The following PIGL variants were observed in gnomAD, a reference collection of about 807,000 sequenced individuals.
The protein encoded by PIGL is N-acetylglucosaminyl-phosphatidylinositol de-N-acetylase.
A neutral mutation model predicts 31.1 loss-of-function variants in PIGL; 22 were observed. The ratio of observed to expected loss-of-function variants is 0.71; its 90% CI spans 0.51 to 1.01. PIGL has a LOEUF of 1.01. Among genes scored for constraint, PIGL ranks in the 50% least tolerant of loss-of-function variants. The pLI, the probability that PIGL is intolerant of heterozygous loss-of-function variation, is 0.00. For missense variants in PIGL, 302 were observed against 315.9 expected, an observed-to-expected ratio of 0.96 and a Z score of 0.33; for synonymous variants, 131 against 117.4, an observed-to-expected ratio of 1.12 and a Z score of -0.75.
chr17:16,275,407 G>A (rs2092890574), intron 2 of PIGL, among the ~76,000 whole-genome samples: 1 of 152,260 alleles, frequency 6.6e-6, no homozygotes, highest in East Asian at 1.9e-4. Flanking sequence ...ATTGCAGGTT[G>A]TTTTATCAGT....
intron 2 of PIGL, among the ~76,000 whole-genome samples, chr17:16,284,942 GA>G (rs1434956100): frequency 6.6e-6 from 1 of 152,178 alleles, no homozygotes; most frequent in Non-Finnish European, 1.5e-5. Context: ...CAGGCAAGGT[GA>G]ACCCACTGGG....
chr17:16,236,594 G>A (rs1020729347), intron 2 of PIGL, among the ~76,000 whole-genome samples: 2 of 152,156 alleles, frequency 1.3e-5, no homozygotes, highest in Admixed American at 6.6e-5. Context: ...TTTAGACAGA[G>A]TCTTGCTCTG....
chr17:16,296,117 A>G (rs1387146407), intron 2 of PIGL, among the ~76,000 whole-genome samples: 3 of 152,196 alleles, frequency 2.0e-5, no homozygotes, highest in Non-Finnish European at 4.4e-5. Flanking sequence ...TACATGTTAA[A>G]CCCTGTTGGT....
intron 2 of PIGL, among the ~76,000 whole-genome samples, chr17:16,238,848 G>A (rs1163720339): frequency 6.8e-6 from 1 of 147,480 alleles, no homozygotes; most frequent in Non-Finnish European, 1.5e-5. Context: ...GGTGAAGGTT[G>A]CAGTGAGCTG....
chr17:16,231,870 G>C (rs575913784), intron 1 of PIGL, among the ~76,000 whole-genome samples: 231 of 152,172 alleles, frequency 1.5e-3, no homozygotes, highest in Non-Finnish European at 2.4e-3. Flanking sequence ...TTTCCTATCA[G>C]TAAAAAATGT....
chr17:16,270,286 T>C (rs1178692108), intron 2 of PIGL, among the ~76,000 whole-genome samples: 3 of 26,738 alleles, frequency 1.1e-4, no homozygotes, highest in Non-Finnish European at 4.4e-4. Flanking sequence ...CGAAACTCCA[T>C]GTCAAAAAAA....
At chr17:16,238,190 C>T (rs1353523514) in intron 2 of PIGL, among the ~76,000 whole-genome samples, 5 of 134,204 alleles carry the variant, frequency 3.7e-5, no homozygotes, top group African/African-American at 1.1e-4. Context: ...GATGAGACTC[C>T]GTCTCAAAAA....
chr17:16,217,634 G>C (rs1221300411), intron 1 of PIGL, 173 bp downstream of exon 1: 18 of 529,782 alleles, frequency 3.4e-5, no homozygotes, highest in South Asian at 1.5e-4. Flanking sequence ...GGCTTACCTG[G>C]TGGGTTGGGG....
intron 6 of PIGL, among the ~76,000 whole-genome samples, chr17:16,320,523 AAAG>A (rs1414060783): frequency 4.0e-5 from 6 of 148,980 alleles, no homozygotes; most frequent in African/African-American, 1.5e-4. Flanking sequence ...GAGAGAAAGA[AAAG>A]AAAAGAAGAA....
chr17:16,274,246 G>A (rs1032503028), intron 2 of PIGL, among the ~76,000 whole-genome samples: 5 of 152,154 alleles, frequency 3.3e-5, no homozygotes, highest in South Asian at 2.1e-4. Flanking sequence ...GAAACCAGAC[G>A]TGAGAAGGTT....
At chr17:16,222,465 C>T (rs1295163075) in intron 1 of PIGL, among the ~76,000 whole-genome samples, 7 of 152,034 alleles carry the variant, frequency 4.6e-5, no homozygotes. Flanking sequence ...CTGTCAGCAA[C>T]TCTGTGAGGT....
chr17:16,314,652 C>T (rs1407464703), intron 4 of PIGL, among the ~76,000 whole-genome samples: 3 of 152,166 alleles, frequency 2.0e-5, no homozygotes, highest in Non-Finnish European at 4.4e-5. Flanking sequence ...CTAGACTGTT[C>T]TCCCTGTAAA....
chr17:16,321,321 C>T (rs953224434), intron 6 of PIGL, among the ~76,000 whole-genome samples: 1 of 150,850 alleles, frequency 6.6e-6, no homozygotes, highest in African/African-American at 2.4e-5. Context: ...GATCACTGCA[C>T]CCTCCACCTC....
At chr17:16,287,493 C>T (rs1600825785) in intron 2 of PIGL, among the ~76,000 whole-genome samples, 1 of 152,216 alleles carries the variant, frequency 6.6e-6, no homozygotes, top group Non-Finnish European at 1.5e-5. Context: ...ATAAAGTACA[C>T]ACTAAGCCTT....
Position 16,228,377 on chromosome 17 carries a change from CTTTA to C in PIGL, c.236-5586_236-5583del, listed in dbSNP as rs548253754. On this transcript the variant is annotated intron_variant, in intron 1 of 6. Transcript: ENST00000225609. ...CCAGCGATTTTATTTTATTTTATTT[CTTTA>C]TTTATTTTATTTTATTTTTTTGAGA... Among the ~76,000 whole-genome samples, 29 of 150,818 alleles carry C rather than the reference CTTTA, an allele frequency of 1.9e-4. No homozygotes were observed. The South Asian group carries it at 5.5e-3, about 28-fold the overall frequency.
At chr17:16,259,251 C>A (rs2092809557) in intron 2 of PIGL, among the ~76,000 whole-genome samples, 1 of 148,432 alleles carries the variant, frequency 6.7e-6, no homozygotes. Context: ...TTAAATAATA[C>A]ATTCTAAGCC....
At chr17:16,287,702 G>A (rs2092943948) in intron 2 of PIGL, among the ~76,000 whole-genome samples, 1 of 152,172 alleles carries the variant, frequency 6.6e-6, no homozygotes, top group Non-Finnish European at 1.5e-5. Context: ...GTTATACGTT[G>A]ACATTCCTTA....
At chr17:16,236,101 G>A (rs1234861214) in intron 2 of PIGL, among the ~76,000 whole-genome samples, 1 of 152,012 alleles carries the variant, frequency 6.6e-6, no homozygotes, top group Non-Finnish European at 1.5e-5. Flanking sequence ...AGGCTACTTA[G>A]TTACCCTGCT....
At chr17:16,281,022 G>GA (rs142381790) in intron 2 of PIGL, among the ~76,000 whole-genome samples, 7,668 of 151,588 alleles carry the variant, frequency 0.051, 656 homozygotes, top group African/African-American at 0.17. Flanking sequence ...TTTTTAAAAG[G>GA]AAAAAAAATC....
Sources: gnomAD v4.1 joint callset for allele counts (sites outside exome capture counted in the v4.1 genomes callset) on GRCh38, gnomAD v4.1.1 for gene constraint, MANE v1.5 for transcripts, NCBI Gene and HGNC (gene_info 2026-07-23, HGNC 2026-07-21) for gene names.